Variants in IL33 observed in about 807,000 individuals in gnomAD.
IL33 encodes interleukin-33.
Under a neutral mutation model 27.3 loss-of-function variants are expected in IL33, and 37 were observed. The ratio of observed to expected loss-of-function variants is 1.36; its 90% CI spans 1.04 to 1.78. The LOEUF is 1.78. IL33 is among the 40% of genes most tolerant of loss of function. The probability of loss-of-function intolerance (pLI) is 0.00; values close to 1 mark genes in which losing one functional copy is unlikely to be tolerated. For synonymous variants in IL33, 132 were observed against 102.9 expected, an observed-to-expected ratio of 1.28 and a Z score of -1.71; for missense variants, 406 against 311.4, an observed-to-expected ratio of 1.30 and a Z score of -2.29.
At chr9:6,218,903 T>C (rs1352042223) in intron 1 of IL33, among the ~76,000 whole-genome samples, 7 of 13,412 alleles carry the variant, frequency 5.2e-4, no homozygotes, top group Admixed American at 1.1e-3. Context: ...GTTCTCCATA[T>C]ATATATATAT....
Position 6,256,673 on chromosome 9 carries a change from C to G in IL33, c.*505C>G, listed in dbSNP as rs1206417690. The G allele has an allele frequency of 9.1e-6, 2 of 218,656 alleles. No individual in the cohort carries two copies. Among genetic ancestry groups the G allele is most frequent in the African/African-American group, 4.5e-5 (2 of 44,510 alleles). 13.5% of individuals were successfully genotyped at this position (218,656 alleles called of 1,614,324 possible). A position where few individuals can be genotyped will look rare whatever the true frequency, so the allele number is the denominator to read the frequency against. ...TCATTTTTTCAACTGGAATAAAACA[C>G]CAGGTTTGTTTGTAGATGTCTTAGG... is the stretch of plus-strand genomic sequence containing the variant. On this transcript the variant is annotated 3_prime_UTR_variant, in exon 8 of 8. Coordinates refer to ENST00000682010, the MANE Select transcript of IL33 (RefSeq NM_033439.4).
In IL33 at chr9:6,257,714, T is replaced by C. The variant is rs1816820537; in HGVS notation, c.*1546T>C. 1.3e-5 allele frequency: 2 copies of C among 152,336 alleles called. No homozygotes were observed. Among genetic ancestry groups the C allele is most frequent in the Middle Eastern group, 6.8e-3 (2 of 292 alleles). The allele number at this position is 152,336 out of a possible 1,614,324, so 9.4% of individuals were successfully genotyped here. A position where few individuals can be genotyped will look rare whatever the true frequency, so the allele number is the denominator to read the frequency against. On this transcript the variant is annotated 3_prime_UTR_variant, in exon 8 of 8. Coordinates refer to ENST00000682010, the MANE Select transcript of IL33 (RefSeq NM_033439.4). ...TTCTACTTTATTGAGACCTATTAGA[T>C]GTAAGTGCTAGTAGAATATAAGATA...
At chr9:6,253,025 A>G (rs768429923) in intron 5 of IL33, 34 bp downstream of exon 5, 22 of 1,299,660 alleles carry the variant, frequency 1.7e-5, no homozygotes, top group Admixed American at 4.6e-5. Context: ...ATAATGTAAT[A>G]ATGACTAATA....
Position 6,251,207 on chromosome 9 carries a change from C to T in IL33, c.285C>T (p.Ala95=), listed in dbSNP as rs1245194457. ...CQQQSTVECF[A]FGISGVQKYT... ...AGCAGTCTACTGTGGAGTGCTTTGC[C>T]TTTGGTATATCAGGGGTCCAGAAAT... Residue 95 remains alanine, a synonymous_variant, in exon 4 of 8, where the codon GCC becomes GCT. Transcript: ENST00000682010. 6.2e-7 allele frequency: 1 copy of T among 1,613,996 alleles called. No individual in the cohort carries two copies. The highest frequency in any genetic ancestry group is 2.2e-5 in the East Asian group (1 of 44,876).
In IL33 at chr9:6,255,946, G is replaced by T. The variant is rs762816553; in HGVS notation, c.613-22G>T. The T allele has an allele frequency of 3.1e-6, 5 of 1,602,752 alleles. No individual in the cohort carries two copies. In the Admixed American group the frequency reaches 8.3e-5, roughly 27 times the overall value. ...TGAACTTCCCATTCACATATGGATT[G>T]CTTTCTCTCTTGTTTCCTCAGCTCC... On this transcript the variant is annotated intron_variant, in intron 7 of 7. Transcript: ENST00000682010.
chr9:6,253,684 C>A, intron 6 of IL33, 82 bp downstream of exon 6: 2 of 1,102,600 alleles, frequency 1.8e-6, no homozygotes, highest in South Asian at 1.5e-5. Context: ...CCTTTTTGCC[C>A]CATAGGAAAA....
chr9:6,226,374 T>C (rs1436749900), intron 1 of IL33, among the ~76,000 whole-genome samples: 1 of 152,120 alleles, frequency 6.6e-6, no homozygotes, highest in Non-Finnish European at 1.5e-5. Context: ...AGGATTAGGA[T>C]CTTTCAACAA....
chr9:6,217,881 C>T (rs369312804), intron 1 of IL33, among the ~76,000 whole-genome samples: 3 of 151,380 alleles, frequency 2.0e-5, no homozygotes, highest in African/African-American at 7.3e-5. Flanking sequence ...GGCAAAGACC[C>T]GTATTTCCTC....
At position 6,256,620 on chromosome 9, in the gene IL33, A is replaced by G. The variant is rs2130487918; in HGVS notation, c.*452A>G. ...GCTCAAACACTAGAGCTGCTAGTAA[A>G]AAGAAGACCAGATGCTTCACAGAAT... On this transcript the variant is annotated 3_prime_UTR_variant, in exon 8 of 8. Transcript: ENST00000682010. The G allele has an allele frequency of 3.4e-6, 1 of 291,136 alleles. No homozygotes were observed. Among genetic ancestry groups the G allele is most frequent in the East Asian group, 5.1e-5 (1 of 19,550 alleles). The allele number at this position is 291,136 out of a possible 1,614,324, so 18.0% of individuals were successfully genotyped here. A position where few individuals can be genotyped will look rare whatever the true frequency, so the allele number is the denominator to read the frequency against.
chr9:6,246,848 A>G (rs779169353), intron 2 of IL33, among the ~76,000 whole-genome samples: 4 of 152,208 alleles, frequency 2.6e-5, no homozygotes, highest in African/African-American at 7.2e-5. Context: ...CCAGACACCA[A>G]ATAAAACTCT....
chr9:6,255,931 A>T (rs1816699941), intron 7 of IL33, 37 bp from the exon 8 acceptor site: 1 of 1,561,160 alleles, frequency 6.4e-7, no homozygotes, highest in African/African-American at 1.4e-5. Flanking sequence ...TGAACTTCCC[A>T]TTCACATATG....
intron 1 of IL33, among the ~76,000 whole-genome samples, chr9:6,238,181 A>T (rs2130280828): frequency 6.6e-6 from 1 of 152,318 alleles, no homozygotes; most frequent in Admixed American, 6.5e-5. Flanking sequence ...TCAGGAGGCT[A>T]GATTCTGTTC....
At chr9:6,241,551 C>T (rs537281751) in intron 1 of IL33, 133 bp from the exon 2 acceptor site, 9 of 556,412 alleles carry the variant, frequency 1.6e-5, no homozygotes, top group Middle Eastern at 5.0e-4. Context: ...TAGAATACTA[C>T]GTTCAAACTT....
chr9:6,256,460 T>A lies in IL33; in HGVS notation c.*292T>A. ...CAGTCTGACCTTTACTTTTCTCTAG[T>A]TTCAGTCCAGAAAGAACTTCATATT... On this transcript the variant is annotated 3_prime_UTR_variant, in exon 8 of 8. Coordinates refer to ENST00000682010, the MANE Select transcript of IL33 (RefSeq NM_033439.4). 1 of 442,092 alleles carries A rather than the reference T, an allele frequency of 2.3e-6. No individual in the cohort carries two copies. The allele number at this position is 442,092 out of a possible 1,614,324, so 27.4% of individuals were successfully genotyped here.
At chr9:6,220,817 G>A (rs1818379302) in intron 1 of IL33, among the ~76,000 whole-genome samples, 1 of 152,006 alleles carries the variant, frequency 6.6e-6, no homozygotes, top group Admixed American at 6.6e-5. Context: ...GCAGTAGCTC[G>A]ATCACAACTC....
At chr9:6,237,892 A>C (rs933865497) in intron 1 of IL33, among the ~76,000 whole-genome samples, 6 of 152,168 alleles carry the variant, frequency 3.9e-5, no homozygotes, top group African/African-American at 1.4e-4. Flanking sequence ...TTCATTATCT[A>C]CTGTGTGCAG....
chr9:6,250,556 T>C lies in IL33; in HGVS notation c.174T>C (p.Cys58=). 6.2e-7 allele frequency: 1 copy of C among 1,614,024 alleles called. No homozygotes were observed. Among genetic ancestry groups the C allele is most frequent in the Non-Finnish European group, 8.5e-7 (1 of 1,179,950 alleles). The change falls in exon 3 of 8, where the codon TGT becomes TGC. Residue 58 remains cysteine, a synonymous_variant. Transcript: ENST00000682010. ...RSGLMIKKEA[C]YFRRETTKRP... The stretch of plus-strand genomic sequence containing the variant: ...GCCTTATGATAAAAAAGGAGGCCTG[T>C]TACTTTAGGAGAGAAACCACCAAAA...
In IL33 at chr9:6,251,165, A is replaced by G. The variant is rs774973229; in HGVS notation, c.243A>G (p.Val81=). 2.9e-5 allele frequency: 46 copies of G among 1,613,774 alleles called. No individual in the cohort carries two copies. Among genetic ancestry groups the G allele is most frequent in the Admixed American group, 6.7e-5 (4 of 59,972 alleles). Residue 81 remains valine (V), a synonymous_variant, in exon 4 of 8, where the codon GTA becomes GTG. Transcript: ENST00000682010. The part of the protein sequence containing the change: ...KTGRKHKRHL[V]LAACQQQSTV... The stretch of plus-strand genomic sequence containing the variant: ...GTAGAAAGCACAAAAGACATCTGGT[A>G]CTCGCTGCCTGTCAACAGCAGTCTA...
intron 5 of IL33, 105 bp downstream of exon 5, chr9:6,253,096 A>T (rs1267690621): frequency 1.4e-5 from 11 of 797,154 alleles, no homozygotes; most frequent in Non-Finnish European, 2.1e-5. Context: ...TAGACATGGC[A>T]AACAGGTCAT....
Sources: gnomAD v4.1 joint callset for allele counts (sites outside exome capture counted in the v4.1 genomes callset) on GRCh38, gnomAD v4.1.1 for gene constraint, MANE v1.5 for transcripts, NCBI Gene and HGNC (gene_info 2026-07-23, HGNC 2026-07-21) for gene names.